PDK1: variants seen among roughly 807,000 people sequenced by gnomAD.
The protein encoded by PDK1 is pyruvate dehydrogenase kinase 1.
Under a neutral mutation model 54.2 loss-of-function variants are expected in PDK1, and 39 were observed. The ratio of observed to expected loss-of-function variants is 0.72; its 90% CI spans 0.56 to 0.94. PDK1 has a LOEUF of 0.94. Among genes scored for constraint, PDK1 ranks in the 40% least tolerant of loss-of-function variants. The pLI, the probability that PDK1 is intolerant of heterozygous loss-of-function variation, is 0.00. For missense variants in PDK1, 552 were observed against 566.0 expected (o/e 0.98, Z 0.25); for synonymous variants, 221 against 207.1 (o/e 1.07, Z -0.58).
the PDK1 span, among the ~76,000 whole-genome samples, chr2:172,681,055 G>T: frequency 6.6e-6 from 1 of 152,202 alleles, no homozygotes; most frequent in Non-Finnish European, 1.5e-5. Flanking sequence ...TTTCTGAGCT[G>T]TTGTGTGCTG....
the PDK1 span, chr2:172,723,949 A>G: frequency 6.6e-6 from 1 of 152,210 alleles, no homozygotes; most frequent in Non-Finnish European, 1.5e-5. Flanking sequence ...AAACATTTTC[A>G]CATTGAAAAG....
At chr2:172,589,085 G>A (rs1690424498) in intron 9 of PDK1, among the ~76,000 whole-genome samples, 1 of 152,182 alleles carries the variant, frequency 6.6e-6, no homozygotes, top group African/African-American at 2.4e-5. Flanking sequence ...TTTCTTCCCT[G>A]TTAACTGGTT....
At chr2:172,583,281 GTTTTT>G (rs1175087926) in intron 8 of PDK1, among the ~76,000 whole-genome samples, 16 of 77,074 alleles carry the variant, frequency 2.1e-4, no homozygotes, top group East Asian at 6.7e-4. Context: ...AAGTTTTCTG[GTTTTT>G]TTTTTTTTTT....
the PDK1 span, among the ~76,000 whole-genome samples, chr2:172,665,128 A>G: frequency 6.9e-6 from 1 of 145,550 alleles, no homozygotes; most frequent in Non-Finnish European, 1.5e-5. Context: ...TTCTTTTTTA[A>G]CTCTTCCCAC....
chr2:172,607,543 C>A lies in PDK1; in HGVS notation c.*11574C>A, dbSNP rs890699221. ...AAGCCAACTGTCATTGCTTTAGCAACCACTACGGCTACAGGTTGTTGCATC... is the reference window on the plus strand; with the variant it reads ...AAGCCAACTGTCATTGCTTTAGCAAACACTACGGCTACAGGTTGTTGCATC... On this transcript the variant is annotated 3_prime_UTR_variant, in exon 11 of 11. Transcript: ENST00000282077. 3 of 152,208 alleles carry A rather than the reference C, an allele frequency of 2.0e-5. No homozygotes were observed. Among genetic ancestry groups the A allele is most frequent in the Non-Finnish European group, 4.4e-5 (3 of 68,042 alleles). The allele number at this position is 152,208 out of a possible 1,614,324, so 9.4% of individuals were successfully genotyped here. A position where few individuals can be genotyped will look rare whatever the true frequency, so the allele number is the denominator to read the frequency against.
intron 10 of PDK1, among the ~76,000 whole-genome samples, chr2:172,594,115 G>A (rs1690759252): frequency 6.7e-6 from 1 of 148,278 alleles, no homozygotes; most frequent in Non-Finnish European, 1.5e-5. Context: ...TCGGCTCACT[G>A]CAACCTCCGC....
chr2:172,650,418 G>C, the PDK1 span, among the ~76,000 whole-genome samples: 1 of 152,150 alleles, frequency 6.6e-6, no homozygotes, highest in South Asian at 2.1e-4. Flanking sequence ...GCAAGAAACT[G>C]CATCAACTAA....
chr2:172,634,265 TTA>T, the PDK1 span, among the ~76,000 whole-genome samples: 1,707 of 146,432 alleles, frequency 0.012, 39 homozygotes, highest in African/African-American at 0.039. Context: ...TCTATTTATA[TTA>T]TTATTATTAT....
At chr2:172,635,298 G>A in the PDK1 span, among the ~76,000 whole-genome samples, 7 of 152,000 alleles carry the variant, frequency 4.6e-5, no homozygotes, top group African/African-American at 1.7e-4. Context: ...TTATCACACG[G>A]CCAATTGTAT....
chr2:172,577,557 A>G (rs1054948976), intron 8 of PDK1, among the ~76,000 whole-genome samples: 1 of 152,024 alleles, frequency 6.6e-6, no homozygotes, highest in Non-Finnish European at 1.5e-5. Context: ...ATTTTGTATT[A>G]TATCATTTTA....
At chr2:172,580,378 A>AT (rs1167559543) in intron 8 of PDK1, among the ~76,000 whole-genome samples, 1 of 151,938 alleles carries the variant, frequency 6.6e-6, no homozygotes, top group Non-Finnish European at 1.5e-5. Flanking sequence ...GTGCTGCAGC[A>AT]TGTTCTTTCT....
At chr2:172,628,259 C>T in the PDK1 span, among the ~76,000 whole-genome samples, 1 of 152,244 alleles carries the variant, frequency 6.6e-6, no homozygotes, top group Non-Finnish European at 1.5e-5. Context: ...AGCTTAGCTA[C>T]CTGAGCCTCC....
intron 1 of PDK1, among the ~76,000 whole-genome samples, chr2:172,557,657 A>T (rs12465704): frequency 0.28 from 40,959 of 147,862 alleles, 7,107 homozygotes; most frequent in African/African-American, 0.5. Flanking sequence ...ATTTTTTTTT[A>T]AAAATAGAAA....
the PDK1 span, among the ~76,000 whole-genome samples, chr2:172,634,362 T>A: frequency 6.6e-6 from 1 of 150,790 alleles, no homozygotes; most frequent in Non-Finnish European, 1.5e-5. Context: ...AAACTCTGCC[T>A]CTCGGGTTCA....
chr2:172,566,821 T>G (rs928778578), intron 5 of PDK1, 35 bp from the exon 6 acceptor site: 1 of 1,401,342 alleles, frequency 7.1e-7, no homozygotes, highest in Non-Finnish European at 1.0e-6. Context: ...GTATATTTAT[T>G]AAATCCTTTT....
At chr2:172,641,001 CTTTTCTTTCTTTCTTTCTTTTCT>C in the PDK1 span, among the ~76,000 whole-genome samples, 1 of 21,332 alleles carries the variant, frequency 4.7e-5, no homozygotes, top group Admixed American at 8.5e-4. Flanking sequence ...CTTTCTTTTT[CTTTTCTTTCTTTCTTTCTTTTCT>C]TTTTCTTTCT....
chr2:172,711,667 C>T, the PDK1 span, among the ~76,000 whole-genome samples: 1 of 151,852 alleles, frequency 6.6e-6, no homozygotes, highest in African/African-American at 2.4e-5. Flanking sequence ...GAACTCGAGA[C>T]CAGTCTGGGC....
At chr2:172,647,017 G>A in the PDK1 span, among the ~76,000 whole-genome samples, 1 of 152,038 alleles carries the variant, frequency 6.6e-6, no homozygotes, top group Non-Finnish European at 1.5e-5. Context: ...GATTACAGGA[G>A]TGAACCACCA....
chr2:172,563,945 A>T (rs1387093498), intron 3 of PDK1: 2 of 460,300 alleles, frequency 4.3e-6, no homozygotes, highest in Admixed American at 4.8e-5. Context: ...CTTTTAATAT[A>T]ATTGTTTACT....
Sources: allele counts gnomAD v4.1 joint callset (sites outside exome capture counted in the v4.1 genomes callset), GRCh38; gene constraint gnomAD v4.1.1; transcripts MANE v1.5; gene names NCBI Gene and HGNC (gene_info 2026-07-23, HGNC 2026-07-21).